Variants in WWOX observed in about 807,000 individuals in gnomAD.
The protein encoded by WWOX is WW domain-containing oxidoreductase.
Under a neutral mutation model 46.2 loss-of-function variants are expected in WWOX, and 69 were observed. That is an observed-to-expected ratio of 1.49 (90% CI 1.23 to 1.82). WWOX has a LOEUF of 1.82. WWOX is among the 40% of genes most tolerant of loss of function. WWOX has a pLI of 0.00. For missense variants in WWOX, 919 were observed against 542.6 expected (o/e 1.69, Z -6.89); for synonymous variants, 359 against 202.6 (o/e 1.77, Z -6.56).
chr16:79,037,016 CTG>C (rs1357559756), intron 8 of WWOX, among the ~76,000 whole-genome samples: 2 of 152,134 alleles, frequency 1.3e-5, no homozygotes, highest in Non-Finnish European at 2.9e-5. Context: ...CACGTATTAA[CTG>C]TATTTGTTGT....
At chr16:78,310,902 C>T (rs561995270) in intron 5 of WWOX, among the ~76,000 whole-genome samples, 270 of 152,282 alleles carry the variant, frequency 1.8e-3, no homozygotes, top group Non-Finnish European at 3.2e-3. Flanking sequence ...CCCTTGTTGT[C>T]ACGATGTACA....
chr16:79,108,697 T>A (rs1337722535), intron 8 of WWOX, among the ~76,000 whole-genome samples: 1 of 151,766 alleles, frequency 6.6e-6, no homozygotes, highest in African/African-American at 2.4e-5. Context: ...AGCCCAGGAG[T>A]TTGAGACCAG....
chr16:79,074,409 C>CTTTTTTTTTTTTTTTTTTT lies in WWOX; in HGVS notation c.1057-137184_1057-137166dup, dbSNP rs60074156. On this transcript the variant is annotated intron_variant, in intron 8 of 8. Coordinates refer to ENST00000566780, the MANE Select transcript of WWOX (RefSeq NM_016373.4). ...CATCCTGACTGAAATGTCACTAGTC[C>CTTTTTTTTTTTTTTTTTTT]TTTTTTTTTTTTTTTTTTTTTTTTT... Among the ~76,000 whole-genome samples, 47 of 30,982 alleles carry CTTTTTTTTTTTTTTTTTTT rather than the reference C, an allele frequency of 1.5e-3. 2 individuals carry two copies. Among genetic ancestry groups the CTTTTTTTTTTTTTTTTTTT allele is most frequent in the Admixed American group, 2.9e-3 (5 of 1,710 alleles). The allele number at this position is 30,982 out of a possible 152,430, so 20.3% of individuals were successfully genotyped here. A position where few individuals can be genotyped will look rare whatever the true frequency, so the allele number is the denominator to read the frequency against.
At chr16:78,969,430 C>A (rs779114367) in intron 8 of WWOX, among the ~76,000 whole-genome samples, 4 of 152,068 alleles carry the variant, frequency 2.6e-5, no homozygotes, top group African/African-American at 9.7e-5. Flanking sequence ...TGCCACCATG[C>A]CCAGCTAATT....
At chr16:78,190,289 G>A (rs889422) in intron 5 of WWOX, among the ~76,000 whole-genome samples, 72,617 of 152,018 alleles carry the variant, frequency 0.48, 18,977 homozygotes, top group African/African-American at 0.71. Context: ...TCCTGCCACA[G>A]GGAGACAGTA....
At position 78,350,624 on chromosome 16, in the gene WWOX, A is replaced by G. The variant is rs532604868; in HGVS notation, c.517-36236A>G. ...TTTCAAGGGTCATTCATGTTGTAGC[A>G]TGTATCAGTACTTCTTTTTTTAGGG... On this transcript the variant is annotated intron_variant, in intron 5 of 8. Transcript: ENST00000566780. Among the ~76,000 whole-genome samples, 107 of 121,372 alleles carry G rather than the reference A, an allele frequency of 8.8e-4. 19 individuals are homozygous for G. The highest frequency in any genetic ancestry group is 2.9e-3 in the African/African-American group (103 of 35,894). The allele number at this position is 121,372 out of a possible 152,430, so 79.6% of individuals were successfully genotyped here. A position where few individuals can be genotyped will look rare whatever the true frequency, so the allele number is the denominator to read the frequency against.
chr16:78,463,026 C>CT (rs1278042180), intron 8 of WWOX, among the ~76,000 whole-genome samples: 1 of 152,192 alleles, frequency 6.6e-6, no homozygotes, highest in Non-Finnish European at 1.5e-5. Context: ...TGCACACTGG[C>CT]TTTGAGGCTC....
intron 8 of WWOX, among the ~76,000 whole-genome samples, chr16:78,869,510 A>G (rs2044080175): frequency 1.3e-5 from 2 of 152,238 alleles, no homozygotes; most frequent in African/African-American, 2.4e-5. Flanking sequence ...TAGATGAAGG[A>G]TGTAAAATAG....
intron 8 of WWOX, chr16:79,205,312 AC>A (rs1487953138): frequency 2.6e-5 from 4 of 152,208 alleles, no homozygotes; most frequent in African/African-American, 7.2e-5. Context: ...CCCTAGTGTC[AC>A]CTGGGGAATG....
At chr16:78,121,643 C>T (rs911974053) in intron 4 of WWOX, among the ~76,000 whole-genome samples, 1 of 151,464 alleles carries the variant, frequency 6.6e-6, no homozygotes, top group Non-Finnish European at 1.5e-5. Context: ...ATACAGTAGT[C>T]CCCCCTTATC....
chr16:78,361,846 T>C (rs2081416240), intron 5 of WWOX, among the ~76,000 whole-genome samples: 1 of 151,966 alleles, frequency 6.6e-6, no homozygotes, highest in Non-Finnish European at 1.5e-5. Flanking sequence ...TCCTCTTCTC[T>C]GGTGATCCTC....
intron 5 of WWOX, among the ~76,000 whole-genome samples, chr16:78,363,146 T>TG (rs1567526020): frequency 6.6e-5 from 10 of 150,766 alleles, no homozygotes; most frequent in African/African-American, 2.4e-4. Context: ...GTGTATGTGT[T>TG]TGTGTGTGTG....
intron 8 of WWOX, among the ~76,000 whole-genome samples, chr16:78,749,215 C>G (rs1223792240): frequency 6.6e-6 from 1 of 152,100 alleles, no homozygotes; most frequent in Non-Finnish European, 1.5e-5. Context: ...CACACACAGA[C>G]TACTGTTTAA....
chr16:78,905,144 C>G (rs978895271), intron 8 of WWOX, among the ~76,000 whole-genome samples: 1 of 152,010 alleles, frequency 6.6e-6, no homozygotes, highest in Non-Finnish European at 1.5e-5. Context: ...TGGAACTGAC[C>G]CTCTATGAGG....
chr16:78,388,065 C>G (rs1402081880), intron 6 of WWOX, among the ~76,000 whole-genome samples: 1 of 152,184 alleles, frequency 6.6e-6, no homozygotes. Context: ...CCTTGCATGG[C>G]TGTGTCACCC....
At chr16:78,692,923 G>C (rs1172765218) in intron 8 of WWOX, among the ~76,000 whole-genome samples, 1 of 152,168 alleles carries the variant, frequency 6.6e-6, no homozygotes, top group Non-Finnish European at 1.5e-5. Flanking sequence ...CGTTTGCATG[G>C]TGTTTTAAAG....
At chr16:79,131,599 G>A (rs975678712) in intron 8 of WWOX, among the ~76,000 whole-genome samples, 2 of 152,142 alleles carry the variant, frequency 1.3e-5, no homozygotes, top group African/African-American at 4.8e-5. Flanking sequence ...TGATAACCTT[G>A]TCATAGTTAA....
chr16:79,171,611 A>G (rs2050701145), intron 8 of WWOX, among the ~76,000 whole-genome samples: 1 of 152,212 alleles, frequency 6.6e-6, no homozygotes, highest in Admixed American at 6.5e-5. Flanking sequence ...CTTCAAGAGT[A>G]TCTCAGTGTT....
At chr16:79,101,977 T>C (rs935165943) in intron 8 of WWOX, among the ~76,000 whole-genome samples, 1 of 146,804 alleles carries the variant, frequency 6.8e-6, no homozygotes, top group Non-Finnish European at 1.5e-5. Context: ...TGACACTTAA[T>C]TCAAGCTGCA....
Sources: allele counts gnomAD v4.1 joint callset (sites outside exome capture counted in the v4.1 genomes callset), GRCh38; gene constraint gnomAD v4.1.1; transcripts MANE v1.5; gene names NCBI Gene and HGNC (gene_info 2026-07-23, HGNC 2026-07-21).